ZNF18: variants seen among roughly 807,000 people sequenced by gnomAD.
ZNF18 encodes the protein zinc finger protein 18, also known as heart development-specific gene 1 protein.
Under a neutral mutation model 58.1 loss-of-function variants are expected in ZNF18, and 42 were observed. That is an observed-to-expected ratio of 0.72 (90% confidence interval 0.56 to 0.93). The LOEUF is 0.93. Among genes scored for constraint, ZNF18 ranks in the 40% least tolerant of loss-of-function variants. The pLI, the probability that ZNF18 is intolerant of heterozygous loss-of-function variation, is 0.00. For missense variants in ZNF18, 540 were observed against 644.2 expected (o/e 0.84, Z 1.75); for synonymous variants, 231 against 239.8 (o/e 0.96, Z 0.34).
chr17:11,979,344 G>A (rs1315799911), intron 6 of ZNF18, among the ~76,000 whole-genome samples: 1 of 152,134 alleles, frequency 6.6e-6, no homozygotes, highest in African/African-American at 2.4e-5. Flanking sequence ...ATTGTGAATG[G>A]TGGCATTAAT....
At chr17:12,013,876 C>T in the ZNF18 span, among the ~76,000 whole-genome samples, 291 of 152,240 alleles carry the variant, frequency 1.9e-3, 1 homozygote, top group African/African-American at 6.7e-3. Flanking sequence ...AGACAACAAA[C>T]CTGTATGGAA....
At chr17:12,021,081 C>T in the ZNF18 span, 1 of 860,812 alleles carries the variant, frequency 1.2e-6, no homozygotes. Flanking sequence ...AGCGGACGCC[C>T]CCGGACCCGG....
At chr17:12,004,973 T>C in the ZNF18 span, among the ~76,000 whole-genome samples, 1 of 151,388 alleles carries the variant, frequency 6.6e-6, no homozygotes, top group East Asian at 1.9e-4. Context: ...TGTATATTTA[T>C]GTGTATATTT....
At chr17:12,011,681 G>A in the ZNF18 span, among the ~76,000 whole-genome samples, 1 of 139,430 alleles carries the variant, frequency 7.2e-6, no homozygotes, top group Non-Finnish European at 1.5e-5. Context: ...ACCATGCCCA[G>A]CCAAATGTTC....
intron 4 of ZNF18, among the ~76,000 whole-genome samples, chr17:11,984,525 T>C (rs914743784): frequency 6.6e-6 from 1 of 151,880 alleles, no homozygotes; most frequent in Non-Finnish European, 1.5e-5. Context: ...GGGTTTTTTT[T>C]TTTTTTTAGA....
chr17:12,012,544 C>T, the ZNF18 span, among the ~76,000 whole-genome samples: 1 of 152,164 alleles, frequency 6.6e-6, no homozygotes, highest in African/African-American at 2.4e-5. Context: ...AACTTGTCCC[C>T]CATTGAGCTG....
chr17:12,007,888 G>A, the ZNF18 span, among the ~76,000 whole-genome samples: 1 of 152,172 alleles, frequency 6.6e-6, no homozygotes, highest in African/African-American at 2.4e-5. Flanking sequence ...AGCACAAAGG[G>A]TCTGAACACT....
upstream of ZNF18, among the ~76,000 whole-genome samples, chr17:12,000,897 A>T (rs985449567): frequency 3.3e-5 from 5 of 152,210 alleles, no homozygotes; most frequent in Non-Finnish European, 7.3e-5. Context: ...GAACGAGAAG[A>T]GAAGAATTAG....
At chr17:11,994,074 G>C (rs1968315410) in intron 1 of ZNF18, among the ~76,000 whole-genome samples, 1 of 151,960 alleles carries the variant, frequency 6.6e-6, no homozygotes, top group South Asian at 2.1e-4. Flanking sequence ...ATCCTTAAAT[G>C]TTATGAAGAA....
the ZNF18 span, among the ~76,000 whole-genome samples, chr17:12,017,961 T>C: frequency 6.6e-6 from 1 of 152,128 alleles, no homozygotes; most frequent in Non-Finnish European, 1.5e-5. Context: ...TCAACAAAGG[T>C]TCTCTAAGCA....
the ZNF18 span, chr17:12,020,934 C>T: frequency 2.5e-6 from 3 of 1,217,546 alleles, no homozygotes; most frequent in Non-Finnish European, 3.1e-6. Flanking sequence ...GGGGCGGCAG[C>T]GGCAGCGGCA....
At chr17:11,990,714 C>T (rs1968063171) in intron 3 of ZNF18, among the ~76,000 whole-genome samples, 164 bp from the exon 4 acceptor site, 1 of 152,190 alleles carries the variant, frequency 6.6e-6, no homozygotes, top group Non-Finnish European at 1.5e-5. Flanking sequence ...ACTCCAACCC[C>T]CTCCAACATT....
At chr17:11,984,922 A>G (rs1967637961) in intron 4 of ZNF18, among the ~76,000 whole-genome samples, 1 of 152,200 alleles carries the variant, frequency 6.6e-6, no homozygotes, top group Non-Finnish European at 1.5e-5. Flanking sequence ...AGGAAATTCA[A>G]AAAGCAAAGA....
At chr17:11,984,402 T>C (rs1025939696) in intron 4 of ZNF18, among the ~76,000 whole-genome samples, 3 of 152,162 alleles carry the variant, frequency 2.0e-5, no homozygotes, top group Non-Finnish European at 4.4e-5. Flanking sequence ...AGTGTTTCTT[T>C]CCTTGGTAAG....
intron 6 of ZNF18, among the ~76,000 whole-genome samples, chr17:11,982,447 T>C (rs182971370): frequency 6.6e-6 from 1 of 152,328 alleles, no homozygotes; most frequent in East Asian, 1.9e-4. Context: ...AAAATTCTGT[T>C]CCAGAAGAAA....
upstream of ZNF18, chr17:11,997,533 G>A (rs1968556738): frequency 1.3e-5 from 2 of 152,262 alleles, no homozygotes; most frequent in South Asian, 2.1e-4. Context: ...GGAGCTAGGG[G>A]GCGGGGGCGG....
the ZNF18 span, among the ~76,000 whole-genome samples, chr17:12,011,600 G>A: frequency 8.2e-4 from 124 of 151,832 alleles, no homozygotes; most frequent in African/African-American, 2.9e-3. Flanking sequence ...TGACCAAGAT[G>A]GTCTCGATCT....
At chr17:12,004,611 G>C in the ZNF18 span, among the ~76,000 whole-genome samples, 1 of 152,090 alleles carries the variant, frequency 6.6e-6, no homozygotes, top group African/African-American at 2.4e-5. Context: ...TTTATGGCCG[G>C]GCACGGTGGC....
At chr17:11,992,383 C>T in intron 2 of ZNF18, 60 bp downstream of exon 2, 1 of 1,555,952 alleles carries the variant, frequency 6.4e-7, no homozygotes, top group East Asian at 2.3e-5. Flanking sequence ...GACAACACAC[C>T]TGATGGGACC....
Sources: allele counts gnomAD v4.1 joint callset (sites outside exome capture counted in the v4.1 genomes callset), GRCh38; gene constraint gnomAD v4.1.1; transcripts MANE v1.5; gene names NCBI Gene and HGNC (gene_info 2026-07-23, HGNC 2026-07-21).